DYNC2H1: variants seen among roughly 807,000 people sequenced by gnomAD.
DYNC2H1 encodes the protein dynein cytoplasmic 2 heavy chain 1.
DYNC2H1 carries 410 observed loss-of-function variants against 570.0 expected under a neutral mutation model. The ratio of observed to expected loss-of-function variants is 0.72; its 90% CI spans 0.66 to 0.78. The LOEUF is 0.78. Ranked by LOEUF, DYNC2H1 falls within the 30% of genes least tolerant of loss-of-function variation. The pLI is 0.00. For synonymous variants in DYNC2H1, 1,688 were observed against 1,677.6 expected (o/e 1.01, Z -0.15); for missense variants, 4,865 against 5,046.4 (o/e 0.96, Z 1.09).
intron 82 of DYNC2H1, among the ~76,000 whole-genome samples, chr11:103,333,086 G>A (rs1938909412): frequency 6.6e-6 from 1 of 151,996 alleles, no homozygotes; most frequent in South Asian, 2.1e-4. Flanking sequence ...TCTTCAAACA[G>A]AAGAGCTATA....
At chr11:103,144,194 C>G (rs1279071903) in intron 18 of DYNC2H1, among the ~76,000 whole-genome samples, 1 of 152,172 alleles carries the variant, frequency 6.6e-6, no homozygotes, top group Non-Finnish European at 1.5e-5. Flanking sequence ...CAGCTGTTAC[C>G]AGCTGTATGA....
rs556178797 is a variant in DYNC2H1, at chr11:103,143,377, A to G, written c.2684A>G (p.Glu895Gly). The stretch of plus-strand genomic sequence containing the variant: ...AAAGCATTAAAAATAAAGGGGAAAG[A>G]AGTAGAACGACTTCCAAGGTATTGG... ...NFKALKIKGK[E>G]VERLPSAVKV... is the part of the protein sequence containing the mutation. The change falls in exon 18 of 89, where the codon GAA (glutamate) becomes GGA (glycine). Residue 895 changes from glutamate to glycine, a missense_variant. Transcript: ENST00000375735. 1.9e-6 allele frequency: 3 copies of G among 1,610,834 alleles called. No individual in the cohort carries two copies. The South Asian group carries it at 3.3e-5, about 18-fold the overall frequency.
intron 75 of DYNC2H1, among the ~76,000 whole-genome samples, chr11:103,300,266 T>C (rs1866993792): frequency 6.6e-6 from 1 of 152,020 alleles, no homozygotes; most frequent in Non-Finnish European, 1.5e-5. Context: ...AAGGTTTCAG[T>C]TATTCGTTTG....
intron 81 of DYNC2H1, 91 bp downstream of exon 81, chr11:103,321,328 G>A: frequency 8.6e-7 from 1 of 1,168,654 alleles, no homozygotes; most frequent in Non-Finnish European, 1.2e-6. Flanking sequence ...CTTTTCAAAT[G>A]CACAAGTAAT....
At chr11:103,478,807 A>G (rs1441028370) in intron 88 of DYNC2H1, among the ~76,000 whole-genome samples, 3 of 151,864 alleles carry the variant, frequency 2.0e-5, no homozygotes, top group Non-Finnish European at 4.4e-5. Context: ...GTGATAATAC[A>G]TGGTTCTATT....
intron 70 of DYNC2H1, among the ~76,000 whole-genome samples, chr11:103,278,181 T>C (rs1324264735): frequency 1.3e-5 from 2 of 152,178 alleles, no homozygotes; most frequent in African/African-American, 4.8e-5. Context: ...TTGCTAGAAC[T>C]GAGTCACCAA....
intron 1 of DYNC2H1, among the ~76,000 whole-genome samples, chr11:103,112,131 G>T (rs1449171056): frequency 1.3e-5 from 2 of 152,276 alleles, no homozygotes; most frequent in Admixed American, 1.3e-4. Flanking sequence ...ATGATGAGTT[G>T]CAGGCAGGCA....
rs1703738760 is a variant in DYNC2H1, at chr11:103,395,785, A to G, written c.12157-3878A>G. On this transcript the variant is annotated intron_variant, in intron 83 of 88. Coordinates refer to ENST00000375735, the MANE Select transcript of DYNC2H1 (RefSeq NM_001377.3). The surrounding 1 kb of genome is among the most constrained non-coding windows in gnomAD (Gnocchi z 4.3). ...AGTTGCAAATTAATTTGTGGAACTG[A>G]GTTGAATCAACTCTTCCAGAACTCT... Among the ~76,000 whole-genome samples, 1 of 152,180 alleles carries G rather than the reference A, an allele frequency of 6.6e-6. No homozygotes were observed. The highest frequency in any genetic ancestry group is 2.4e-5 in the African/African-American group (1 of 41,452).
At chr11:103,314,272 C>T (rs1195299530) in intron 79 of DYNC2H1, among the ~76,000 whole-genome samples, 2 of 151,962 alleles carry the variant, frequency 1.3e-5, no homozygotes, top group Non-Finnish European at 2.9e-5. Flanking sequence ...CATTTATGTT[C>T]TTTATAACTC....
chr11:103,289,335 A>G lies in DYNC2H1; in HGVS notation c.11095+1730A>G, dbSNP rs1379004288. 6.6e-6 allele frequency among the ~76,000 whole-genome samples: 1 copy of G among 152,182 alleles called. No homozygotes were observed. The highest frequency in any genetic ancestry group is 1.5e-5 in the Non-Finnish European group (1 of 68,030). On this transcript the variant is annotated intron_variant, in intron 75 of 88. Transcript: ENST00000375735. The surrounding 1 kb of genome is among the most constrained non-coding windows in gnomAD (Gnocchi z 4.2). ...AATGGGCAAGGTGAACCCATTGGGC[A>G]CTAAAAAACCATAAGCTAAATTCCT...
At chr11:103,459,125 C>T (rs1045624855) in intron 87 of DYNC2H1, among the ~76,000 whole-genome samples, 20 of 149,924 alleles carry the variant, frequency 1.3e-4, no homozygotes, top group Non-Finnish European at 2.1e-4. Context: ...CCGGCTAAAA[C>T]GGTGAAACCC....
At chr11:103,114,643 T>C (rs1858285763) in intron 3 of DYNC2H1, among the ~76,000 whole-genome samples, 1 of 152,184 alleles carries the variant, frequency 6.6e-6, no homozygotes. Flanking sequence ...ACTGAATTAG[T>C]GAATATTGAA....
intron 83 of DYNC2H1, among the ~76,000 whole-genome samples, chr11:103,392,610 T>A (rs966531286): frequency 6.6e-6 from 1 of 152,088 alleles, no homozygotes; most frequent in Non-Finnish European, 1.5e-5. Flanking sequence ...GCTGTTCCTA[T>A]TCGGCCATCT....
chr11:103,396,213 CCTAGACT>C (rs1455851673), intron 83 of DYNC2H1, among the ~76,000 whole-genome samples: 1 of 152,118 alleles, frequency 6.6e-6, no homozygotes, highest in Non-Finnish European at 1.5e-5. Flanking sequence ...TCTGATGTTA[CCTAGACT>C]CTATATCAAT....
Position 103,120,429 on chromosome 11 carries a change from T to C in DYNC2H1, c.1000-18T>C. On this transcript the variant is annotated intron_variant, in intron 6 of 88. Coordinates refer to ENST00000375735, the MANE Select transcript of DYNC2H1 (RefSeq NM_001377.3). ...GTTGGATTTAAATAAATTCTGTTGT[T>C]TTAATACTTCATTTTAGGTCTTGGC... 1 of 1,593,414 alleles carries C rather than the reference T, an allele frequency of 6.3e-7. No homozygotes were observed.
At chr11:103,213,045 A>G (rs890270686) in intron 54 of DYNC2H1, among the ~76,000 whole-genome samples, 6 of 152,268 alleles carry the variant, frequency 3.9e-5, no homozygotes, top group African/African-American at 1.2e-4. Flanking sequence ...TTGTTAGGTG[A>G]CAAAAACATG....
At chr11:103,436,070 G>T in intron 85 of DYNC2H1, 38 bp downstream of exon 85, 1 of 1,568,686 alleles carries the variant, frequency 6.4e-7, no homozygotes, top group Non-Finnish European at 8.8e-7. Flanking sequence ...TTGTCTGACT[G>T]TGTGACTATT....
chr11:103,237,980 T>C (rs1864285374), intron 63 of DYNC2H1, among the ~76,000 whole-genome samples: 1 of 152,180 alleles, frequency 6.6e-6, no homozygotes, highest in African/African-American at 2.4e-5. Context: ...CTTGCATTTA[T>C]ATGACAAAAC....
intron 81 of DYNC2H1, among the ~76,000 whole-genome samples, chr11:103,322,079 CT>C (rs1451051734): frequency 6.6e-6 from 1 of 151,896 alleles, no homozygotes; most frequent in Non-Finnish European, 1.5e-5. Context: ...TACTTATTAC[CT>C]TAAGTATGCT....
Sources: gnomAD v4.1 joint callset for allele counts (sites outside exome capture counted in the v4.1 genomes callset) on GRCh38, gnomAD v4.1.1 for gene constraint, Gnocchi (gnomAD v3.1) non-coding constraint, MANE v1.5 for transcripts, NCBI Gene and HGNC (gene_info 2026-07-23, HGNC 2026-07-21) for gene names.